Variants in HYCC2 observed in about 807,000 individuals in gnomAD.
HYCC2 encodes hyccin 2.
the HYCC2 span, chr2:201,021,964 A>G: frequency 4.0e-5 from 24 of 603,618 alleles, no homozygotes; most frequent in Non-Finnish European, 6.3e-5. Context: ...ACAATTTAGG[A>G]GACAGGAAAG....
the HYCC2 span, among the ~76,000 whole-genome samples, chr2:200,991,945 G>A: frequency 6.6e-6 from 1 of 151,864 alleles, no homozygotes; most frequent in South Asian, 2.1e-4. Context: ...TCGGGGCCGG[G>A]GGGGGAGGTG....
chr2:201,068,962 A>G, the HYCC2 span, among the ~76,000 whole-genome samples: 2 of 152,258 alleles, frequency 1.3e-5, no homozygotes, highest in African/African-American at 4.8e-5. Context: ...AGACAAAAAA[A>G]TCTTCTGTTC....
At chr2:201,028,795 C>T in the HYCC2 span, among the ~76,000 whole-genome samples, 7 of 152,104 alleles carry the variant, frequency 4.6e-5, no homozygotes, top group Non-Finnish European at 1.0e-4. Flanking sequence ...CTTCCTTACA[C>T]CTTATACAAA....
At chr2:201,000,899 C>G in the HYCC2 span, among the ~76,000 whole-genome samples, 2 of 147,036 alleles carry the variant, frequency 1.4e-5, no homozygotes, top group African/African-American at 5.0e-5. Flanking sequence ...TTTGGGAGGC[C>G]AAGGCAGGTG....
chr2:201,002,876 T>C, the HYCC2 span, among the ~76,000 whole-genome samples: 1 of 152,180 alleles, frequency 6.6e-6, no homozygotes, highest in East Asian at 1.9e-4. Flanking sequence ...CTATAGATAC[T>C]TTTCGTGCTC....
the HYCC2 span, among the ~76,000 whole-genome samples, chr2:201,010,355 A>T: frequency 1.3e-5 from 2 of 152,192 alleles, no homozygotes; most frequent in Admixed American, 1.3e-4. Flanking sequence ...TTGACAGGAA[A>T]ATAGAATACA....
At chr2:201,044,772 A>AT in the HYCC2 span, among the ~76,000 whole-genome samples, 1 of 152,070 alleles carries the variant, frequency 6.6e-6, no homozygotes, top group African/African-American at 2.4e-5. Flanking sequence ...TTTAGGAGGC[A>AT]TTTTTTTCCT....
At chr2:201,024,976 AGTGGTGT>A in the HYCC2 span, among the ~76,000 whole-genome samples, 1 of 151,970 alleles carries the variant, frequency 6.6e-6, no homozygotes, top group African/African-American at 2.4e-5. Flanking sequence ...AGCCAGGTGT[AGTGGTGT>A]GCACCTGTAA....
the HYCC2 span, among the ~76,000 whole-genome samples, chr2:201,065,006 T>A: frequency 6.6e-6 from 1 of 152,222 alleles, no homozygotes; most frequent in African/African-American, 2.4e-5. Context: ...CACTCATGTA[T>A]ACGTGTGTGT....
the HYCC2 span, among the ~76,000 whole-genome samples, chr2:201,038,025 T>C: frequency 1.5e-4 from 23 of 152,124 alleles, 1 homozygote; most frequent in African/African-American, 5.3e-4. Context: ...GAATCTACAA[T>C]GAACTCAAAC....
At chr2:200,996,553 G>C in the HYCC2 span, 1 of 152,140 alleles carries the variant, frequency 6.6e-6, no homozygotes, top group African/African-American at 2.4e-5. Flanking sequence ...TTGAACCTGA[G>C]AGGCAAAGGT....
At chr2:201,015,190 G>A in the HYCC2 span, among the ~76,000 whole-genome samples, 3 of 152,170 alleles carry the variant, frequency 2.0e-5, no homozygotes, top group Non-Finnish European at 4.4e-5. Context: ...AAGAAAAGGT[G>A]CCTTGTGCTG....
the HYCC2 span, among the ~76,000 whole-genome samples, chr2:201,053,158 T>C: frequency 6.6e-6 from 1 of 152,056 alleles, no homozygotes; most frequent in Non-Finnish European, 1.5e-5. Context: ...ATTTCGCTCT[T>C]GTCAACCAGG....
the HYCC2 span, among the ~76,000 whole-genome samples, chr2:201,029,995 G>GA: frequency 6.6e-6 from 1 of 152,152 alleles, no homozygotes; most frequent in South Asian, 2.1e-4. Flanking sequence ...GCTGAGGTGG[G>GA]AAGAACGCTT....
chr2:201,004,566 G>A, the HYCC2 span, among the ~76,000 whole-genome samples: 3 of 152,314 alleles, frequency 2.0e-5, no homozygotes, highest in African/African-American at 7.2e-5. Flanking sequence ...GTCTCTGGAG[G>A]CCACAAATGG....
chr2:200,985,977 C>G, the HYCC2 span, among the ~76,000 whole-genome samples: 1 of 152,126 alleles, frequency 6.6e-6, no homozygotes, highest in South Asian at 2.1e-4. Flanking sequence ...AATATTCTAG[C>G]AATAGTAGTA....
chr2:201,013,859 T>C, the HYCC2 span, among the ~76,000 whole-genome samples: 1 of 152,180 alleles, frequency 6.6e-6, no homozygotes, highest in Non-Finnish European at 1.5e-5. Context: ...CTAAATTTTG[T>C]TTAAGAGAAA....
the HYCC2 span, among the ~76,000 whole-genome samples, chr2:201,031,398 C>A: frequency 2.6e-5 from 4 of 152,056 alleles, no homozygotes; most frequent in Admixed American, 6.6e-5. Flanking sequence ...ATGCCTATAA[C>A]CCCAGCATTT....
the HYCC2 span, among the ~76,000 whole-genome samples, chr2:201,020,115 A>T: frequency 2.6e-5 from 4 of 152,094 alleles, no homozygotes; most frequent in African/African-American, 4.8e-5. Context: ...CAATAAAAAA[A>T]CTTTAATTTG....
Sources: allele counts gnomAD v4.1 joint callset (sites outside exome capture counted in the v4.1 genomes callset), GRCh38; gene constraint gnomAD v4.1.1; transcripts MANE v1.5; gene names NCBI Gene and HGNC (gene_info 2026-07-23, HGNC 2026-07-21).